UNC5C: variants seen among roughly 807,000 people sequenced by gnomAD.
UNC5C encodes the protein netrin receptor UNC5C.
A neutral mutation model predicts 99.8 loss-of-function variants in UNC5C; 47 were observed. The observed-to-expected ratio is 0.47, with a 90% CI of 0.37 to 0.60. The LOEUF is 0.60. UNC5C is among the 20% of genes least tolerant of loss of function. The pLI, the probability that UNC5C is intolerant of heterozygous loss-of-function variation, is 0.00. For missense variants in UNC5C, 1,062 were observed against 1,165.9 expected, an observed-to-expected ratio of 0.91 and a Z score of 1.30; for synonymous variants, 487 against 452.2, an observed-to-expected ratio of 1.08 and a Z score of -0.98.
At chr4:95,519,369 C>A (rs756799126) in intron 1 of UNC5C, among the ~76,000 whole-genome samples, 2 of 152,000 alleles carry the variant, frequency 1.3e-5, no homozygotes, top group Non-Finnish European at 2.9e-5. Flanking sequence ...TCTGATCATT[C>A]CAGAATGATT....
At chr4:95,493,208 G>T (rs1173258754) in intron 1 of UNC5C, among the ~76,000 whole-genome samples, 1 of 151,362 alleles carries the variant, frequency 6.6e-6, no homozygotes, top group African/African-American at 2.4e-5. Context: ...AGCTATTAGG[G>T]ATGAGATGTT....
intron 1 of UNC5C, among the ~76,000 whole-genome samples, chr4:95,459,325 T>C (rs1262965860): frequency 6.6e-6 from 1 of 152,168 alleles, no homozygotes; most frequent in Non-Finnish European, 1.5e-5. Context: ...AGAACTTTCT[T>C]TTGTACCTCA....
intron 3 of UNC5C, among the ~76,000 whole-genome samples, chr4:95,282,917 CG>C (rs1036147486): frequency 2.0e-5 from 3 of 151,934 alleles, no homozygotes; most frequent in Non-Finnish European, 4.4e-5. Context: ...TGACTCGCCT[CG>C]GGGGAAGAGG....
At chr4:95,376,346 C>T (rs989981439) in intron 1 of UNC5C, among the ~76,000 whole-genome samples, 1 of 151,886 alleles carries the variant, frequency 6.6e-6, no homozygotes, top group Admixed American at 6.6e-5. Flanking sequence ...CTCTAAGAAG[C>T]AGGTTATATG....
At chr4:95,339,527 A>G (rs1168423527) in intron 1 of UNC5C, among the ~76,000 whole-genome samples, 2 of 152,010 alleles carry the variant, frequency 1.3e-5, no homozygotes, top group East Asian at 1.9e-4. Context: ...AGCTATAAAA[A>G]AATTGATTTT....
At chr4:95,210,737 G>A (rs1738047463) in intron 10 of UNC5C, among the ~76,000 whole-genome samples, 1 of 152,164 alleles carries the variant, frequency 6.6e-6, no homozygotes, top group African/African-American at 2.4e-5. Context: ...AATGCTGGAT[G>A]GGTGCTGAGT....
At chr4:95,411,910 G>A (rs1374998450) in intron 1 of UNC5C, among the ~76,000 whole-genome samples, 1 of 151,448 alleles carries the variant, frequency 6.6e-6, no homozygotes, top group Non-Finnish European at 1.5e-5. Flanking sequence ...ACAACTGCCA[G>A]AGTCTCCTAA....
At chr4:95,398,524 T>C (rs900756528) in intron 1 of UNC5C, among the ~76,000 whole-genome samples, 1 of 152,164 alleles carries the variant, frequency 6.6e-6, no homozygotes, top group Non-Finnish European at 1.5e-5. Context: ...TAATTCTCCA[T>C]GTAGTGTTTG....
chr4:95,382,366 G>A (rs558926183), intron 1 of UNC5C, among the ~76,000 whole-genome samples: 5 of 151,710 alleles, frequency 3.3e-5, no homozygotes, highest in Admixed American at 2.0e-4. Flanking sequence ...CCTGCTGCTC[G>A]GGAAGCTGAG....
At chr4:95,498,391 G>C (rs1376826232) in intron 1 of UNC5C, among the ~76,000 whole-genome samples, 1 of 151,932 alleles carries the variant, frequency 6.6e-6, no homozygotes, top group Non-Finnish European at 1.5e-5. Flanking sequence ...GCAAAGGAAA[G>C]CAAGAGTAGC....
At chr4:95,415,311 G>C (rs1746129278) in intron 1 of UNC5C, among the ~76,000 whole-genome samples, 2 of 152,026 alleles carry the variant, frequency 1.3e-5, no homozygotes, top group African/African-American at 2.4e-5. Flanking sequence ...CAAGAGGGCA[G>C]TGATCCTCAA....
chr4:95,426,807 T>A (rs1277623367), intron 1 of UNC5C, among the ~76,000 whole-genome samples: 1 of 152,178 alleles, frequency 6.6e-6, no homozygotes, highest in Non-Finnish European at 1.5e-5. Context: ...CTGAGGAAGC[T>A]AAGAACTTAG....
At chr4:95,301,195 AT>A (rs34905310) in intron 3 of UNC5C, among the ~76,000 whole-genome samples, 5,727 of 125,692 alleles carry the variant, frequency 0.046, 104 homozygotes, top group African/African-American at 0.073. Context: ...TTTTTCCAGG[AT>A]TTTTTTTTTT....
intron 1 of UNC5C, among the ~76,000 whole-genome samples, chr4:95,358,576 T>C (rs1218658177): frequency 6.6e-6 from 1 of 152,166 alleles, no homozygotes; most frequent in Non-Finnish European, 1.5e-5. Flanking sequence ...TATTAAAACT[T>C]CAAGTGGCTA....
chr4:95,421,230 A>T (rs1746309363), intron 1 of UNC5C, among the ~76,000 whole-genome samples: 1 of 152,182 alleles, frequency 6.6e-6, no homozygotes, highest in African/African-American at 2.4e-5. Context: ...TAGTTCCTCT[A>T]AAAGTTTCTT....
intron 1 of UNC5C, among the ~76,000 whole-genome samples, chr4:95,339,809 T>C (rs574584636): frequency 6.6e-6 from 1 of 152,252 alleles, no homozygotes; most frequent in Non-Finnish European, 1.5e-5. Context: ...GTACATGTAG[T>C]TCATTCAAAT....
rs17023287 is a variant in UNC5C, at chr4:95,225,871, T to A, written c.1109-5695A>T. Among the ~76,000 whole-genome samples, 1,395 of 152,286 alleles carry A rather than the reference T, an allele frequency of 9.2e-3. 26 individuals are homozygous for A. The highest frequency in any genetic ancestry group is 0.032 in the African/African-American group (1,320 of 41,564). On this transcript the variant is annotated intron_variant, in intron 7 of 15. Transcript: ENST00000453304. ...ACTTTTTCCATCATTTTCAAAACAC[T>A]TCTGCAACTACAGAAGTAAAACATC...
At chr4:95,440,513 C>G (rs1024878214) in intron 1 of UNC5C, among the ~76,000 whole-genome samples, 1 of 152,104 alleles carries the variant, frequency 6.6e-6, no homozygotes, top group African/African-American at 2.4e-5. Flanking sequence ...ATTGGTATGA[C>G]TTTTAATTAA....
intron 1 of UNC5C, among the ~76,000 whole-genome samples, chr4:95,389,964 C>G (rs1437142147): frequency 6.6e-6 from 1 of 152,036 alleles, no homozygotes; most frequent in Non-Finnish European, 1.5e-5. Context: ...CATTATGGTT[C>G]TATTGGACAG....
Sources: allele counts gnomAD v4.1 joint callset (sites outside exome capture counted in the v4.1 genomes callset), GRCh38; gene constraint gnomAD v4.1.1; transcripts MANE v1.5; gene names NCBI Gene and HGNC (gene_info 2026-07-23, HGNC 2026-07-21).